The following TMEM63A variants were observed in gnomAD, a reference collection of about 807,000 sequenced individuals.
TMEM63A encodes mechanosensitive cation channel TMEM63A.
In TMEM63A, 76 loss-of-function variants were observed where a neutral mutation model predicts 100.6. That is an observed-to-expected ratio of 0.76 (90% CI 0.63 to 0.91). TMEM63A has a LOEUF of 0.91. TMEM63A is among the 40% of genes least tolerant of loss of function. TMEM63A has a pLI of 0.00. For missense variants in TMEM63A, 876 were observed against 1,008.8 expected (o/e 0.87, Z 1.78); for synonymous variants, 401 against 401.1 (o/e 1.00, Z 0.00).
chr1:225,848,960 G>A lies in TMEM63A; in HGVS notation c.2124C>T (p.Ile708=), dbSNP rs766346141. 6.3e-7 allele frequency: 1 copy of A among 1,588,424 alleles called. No homozygotes were observed. The highest frequency in any genetic ancestry group is 1.7e-5 in the Admixed American group (1 of 57,624). Residue 708 remains isoleucine (I), a synonymous_variant, in exon 22 of 25, where the codon ATC becomes ATT. Coordinates refer to ENST00000366835, the MANE Select transcript of TMEM63A (RefSeq NM_014698.3). ...AGCAGGTGTGAGCCAGGCAGACCAG[G>A]ATGGTGAGCAGCAGCACCAGGAAGG... The part of the protein sequence containing the change: ...LFTFLVLLLT[I]LVCLAHTCFG...
In TMEM63A at chr1:225,849,920, A is replaced by G; in HGVS notation, c.2063T>C (p.Leu688Pro). 1 of 1,613,932 alleles carries G rather than the reference A, an allele frequency of 6.2e-7. No individual in the cohort carries two copies. The highest frequency in any genetic ancestry group is 8.5e-7 in the Non-Finnish European group (1 of 1,179,938). The change falls in exon 21 of 25, where the codon CTG becomes CCG. Residue 688 changes from leucine to proline, a missense_variant. By Grantham distance (98) the Leu-to-Pro change is moderately conservative (BLOSUM62 -3). Around this residue, in one of 5 missense-constraint regions of TMEM63A, gnomAD observed 339 missense variants for 342.3 expected, o/e 0.99. Transcript: ENST00000366835. ...CLFWLYFFSF[L>P]RLGMKAPATL... ...TCAGAAGGGCTGCTCACCCAGGCGC[A>G]GGAAGGAAAAGAAGTAGAGCCAGAA...
At chr1:225,866,081 C>T (rs1670192988) in intron 9 of TMEM63A, 114 bp from the exon 10 acceptor site, 1 of 1,055,180 alleles carries the variant, frequency 9.5e-7, no homozygotes, top group African/African-American at 1.6e-5. Context: ...AATCAGAAGG[C>T]TCCAGTTTTC....
In TMEM63A at chr1:225,871,130, C is replaced by A. The variant is rs775397073; in HGVS notation, c.334-17G>T. ...ACAGCATCCCTGGAAACGGAGAGAA[C>A]AGGGATTAGCTTCCAACATTTGTGT... On this transcript the variant is annotated splice_polypyrimidine_tract_variant and intron_variant, in intron 5 of 24. Transcript: ENST00000366835. 1.5e-5 allele frequency: 25 copies of A among 1,613,034 alleles called. No homozygotes were observed. The East Asian group carries it at 4.7e-4, about 30-fold the overall frequency.
chr1:225,878,762 T>C (rs930758688), intron 2 of TMEM63A, among the ~76,000 whole-genome samples: 1 of 152,042 alleles, frequency 6.6e-6, no homozygotes, highest in Non-Finnish European at 1.5e-5. Context: ...AGAAAAGATA[T>C]AGAGAACCCA....
intron 6 of TMEM63A, among the ~76,000 whole-genome samples, chr1:225,868,769 TG>T (rs1670347537): frequency 6.6e-6 from 1 of 151,152 alleles, no homozygotes; most frequent in African/African-American, 2.4e-5. Flanking sequence ...CCCCCTCAGA[TG>T]GAGACCTGAG....
At chr1:225,842,305 G>A, downstream of TMEM63A, 1 of 1,281,712 alleles carries the variant, frequency 7.8e-7, no homozygotes, top group Non-Finnish European at 1.1e-6. Context: ...CATCACACCT[G>A]AAGCTCCAGC....
intron 9 of TMEM63A, 178 bp from the exon 10 acceptor site, chr1:225,866,145 TC>T: frequency 1.6e-6 from 1 of 628,970 alleles, no homozygotes; most frequent in Non-Finnish European, 2.8e-6. Flanking sequence ...AGCGTCTTCT[TC>T]CAGGCTGTAC....
intron 21 of TMEM63A, 140 bp from the exon 22 acceptor site, chr1:225,849,152 A>AC (rs1414549272): frequency 4.5e-5 from 28 of 627,758 alleles, no homozygotes; most frequent in Admixed American, 1.6e-4. Context: ...GTAAGGCCTA[A>AC]CCCCCCACCC....
intron 3 of TMEM63A, among the ~76,000 whole-genome samples, chr1:225,875,181 C>A (rs370334278): frequency 6.6e-6 from 1 of 152,232 alleles, no homozygotes; most frequent in African/African-American, 2.4e-5. Context: ...TGCATGCAGG[C>A]AGCAAGGCAC....
rs773556605 is a variant in TMEM63A, at chr1:225,847,200, C to T, written c.2264G>A (p.Arg755Gln). 1.1e-5 allele frequency: 18 copies of T among 1,613,156 alleles called. No individual in the cohort carries two copies. Among genetic ancestry groups the T allele is most frequent in the East Asian group, 6.7e-5 (3 of 44,898 alleles). The stretch of plus-strand genomic sequence containing the variant: ...CTCCGAGGCCAAGCCGTTCAGAATC[C>T]GAGGCACGTAGGGCTGTCAGCAAAT... Reference protein sequence around the residue: ...MPPPFTPYVPRILNGLASERT... With the variant: ...MPPPFTPYVPQILNGLASERT... Residue 755 changes from arginine (R) to glutamine (Q), a missense_variant, in exon 24 of 25, where the codon CGG becomes CAG. Arg to Gln is a conservative substitution (Grantham distance 43). Coordinates refer to ENST00000366835, the MANE Select transcript of TMEM63A (RefSeq NM_014698.3).
intron 4 of TMEM63A, among the ~76,000 whole-genome samples, chr1:225,872,693 T>C (rs1468319363): frequency 2.8e-4 from 16 of 56,356 alleles, no homozygotes; most frequent in South Asian, 1.2e-3. Context: ...TTTCTTCTTT[T>C]TTTTTTTTTT....
chr1:225,875,544 A>G (rs142056657), intron 3 of TMEM63A, among the ~76,000 whole-genome samples: 180 of 152,352 alleles, frequency 1.2e-3, no homozygotes, highest in African/African-American at 4.2e-3. Context: ...GTTCTCGTGG[A>G]ATTTTCTTCA....
At chr1:225,863,047 C>CTTTTG (rs569583910) in intron 10 of TMEM63A, 196 bp from the exon 11 acceptor site, 93 of 605,600 alleles carry the variant, frequency 1.5e-4, no homozygotes, top group South Asian at 1.4e-3. Context: ...ACAAAGAGGG[C>CTTTTG]TTTTGTTTTG....
chr1:225,881,950 T>TA (rs768032999), intron 1 of TMEM63A, among the ~76,000 whole-genome samples: 25 of 152,182 alleles, frequency 1.6e-4, no homozygotes, highest in South Asian at 8.3e-4. Flanking sequence ...CCCGGCCTCG[T>TA]ATAGGGTCCG....
intron 3 of TMEM63A, among the ~76,000 whole-genome samples, chr1:225,874,688 C>A (rs1175845904): frequency 6.6e-6 from 1 of 152,270 alleles, no homozygotes; most frequent in Non-Finnish European, 1.5e-5. Flanking sequence ...CACCACAAGG[C>A]CCAGTCTCGG....
At chr1:225,875,131 GGCAGGCCCC>G (rs1486496047) in intron 3 of TMEM63A, among the ~76,000 whole-genome samples, 1 of 152,214 alleles carries the variant, frequency 6.6e-6, no homozygotes, top group Non-Finnish European at 1.5e-5. Context: ...TTCCCCTGAA[GGCAGGCCCC>G]GCAGGCCCTG....
chr1:225,876,182 G>T (rs1670792598), intron 3 of TMEM63A, among the ~76,000 whole-genome samples: 1 of 149,294 alleles, frequency 6.7e-6, no homozygotes, highest in African/African-American at 2.5e-5. Flanking sequence ...CCCAGCTAGG[G>T]TCCCTGCCCA....
intron 1 of TMEM63A, among the ~76,000 whole-genome samples, 171 bp downstream of exon 1, chr1:225,882,133 T>C (rs1021085952): frequency 2.6e-5 from 4 of 152,176 alleles, no homozygotes; most frequent in Non-Finnish European, 5.9e-5. Context: ...ATGGAGGCGC[T>C]GCCCGGACCC....
Position 225,862,845 on chromosome 1 carries a change from C to G in TMEM63A, c.753G>C (p.Ala251=). ...KETVESHFRD[A]YPTCEVVDVQ... ...CATCAACCACCTCACACGTGGGATA[C>G]GCGTCCCTGTGGCCAGGGAGAGAAG... Residue 251 remains alanine (A), a synonymous_variant, in exon 11 of 25, where the codon GCG becomes GCC. Coordinates refer to ENST00000366835, the MANE Select transcript of TMEM63A (RefSeq NM_014698.3). The surrounding 1 kb of genome is among the most constrained non-coding windows in gnomAD (Gnocchi z 5.1). The G allele has an allele frequency of 6.2e-7, 1 of 1,613,682 alleles. No individual in the cohort carries two copies. Among genetic ancestry groups the G allele is most frequent in the Non-Finnish European group, 8.5e-7 (1 of 1,179,916 alleles).
Sources: allele counts gnomAD v4.1 joint callset (sites outside exome capture counted in the v4.1 genomes callset), GRCh38; gene constraint gnomAD v4.1.1; regional missense constraint gnomAD v4.1.1; non-coding constraint Gnocchi (gnomAD v3.1); transcripts MANE v1.5; gene names NCBI Gene and HGNC (gene_info 2026-07-23, HGNC 2026-07-21).